ROBO2: variants seen among roughly 807,000 people sequenced by gnomAD.
The protein encoded by ROBO2 is roundabout guidance receptor 2, also known as roundabout homolog 2.
ROBO2 carries 53 observed loss-of-function variants against 160.8 expected under a neutral mutation model. That is an observed-to-expected ratio of 0.33 (90% CI 0.26 to 0.41). ROBO2 has a LOEUF of 0.41. Among genes scored for constraint, ROBO2 ranks in the 10% least tolerant of loss-of-function variants. ROBO2 has a pLI of 1.00. For missense variants in ROBO2, 1,577 were observed against 1,722.4 expected (o/e 0.92, Z 1.49); for synonymous variants, 664 against 611.7 (o/e 1.09, Z -1.26).
intron 2 of ROBO2, among the ~76,000 whole-genome samples, chr3:76,514,540 T>G (rs111686300): frequency 6.6e-6 from 1 of 152,208 alleles, no homozygotes; most frequent in Non-Finnish European, 1.5e-5. Flanking sequence ...ATAATGAAGA[T>G]ATCAGATAAA....
chr3:77,501,625 T>C (rs2087623010), intron 5 of ROBO2, among the ~76,000 whole-genome samples: 1 of 149,536 alleles, frequency 6.7e-6, no homozygotes, highest in East Asian at 2.0e-4. Flanking sequence ...GTTTCGGTGC[T>C]GTCCTCAAAT....
At chr3:76,248,415 C>G (rs36177939) in intron 2 of ROBO2, among the ~76,000 whole-genome samples, 17,966 of 149,778 alleles carry the variant, frequency 0.12, 1,671 homozygotes, top group East Asian at 0.4. Flanking sequence ...ACTGCATATT[C>G]TCACTCATAG....
chr3:77,143,384 T>C (rs998744380), intron 2 of ROBO2, among the ~76,000 whole-genome samples: 3 of 151,702 alleles, frequency 2.0e-5, no homozygotes, highest in Non-Finnish European at 4.4e-5. Flanking sequence ...TTAGTAGACA[T>C]TGGGTTTCAC....
chr3:76,512,064 A>C (rs549115817), intron 2 of ROBO2, among the ~76,000 whole-genome samples: 6 of 152,252 alleles, frequency 3.9e-5, no homozygotes, highest in Non-Finnish European at 8.8e-5. Flanking sequence ...TAACAGAACA[A>C]AACATCATGT....
intron 2 of ROBO2, among the ~76,000 whole-genome samples, chr3:76,041,998 G>T (rs2067288564): frequency 6.8e-6 from 1 of 146,178 alleles, no homozygotes; most frequent in South Asian, 2.2e-4. Context: ...GAGAGAGGGA[G>T]AGCGAGAGCA....
chr3:76,996,116 A>G (rs2060988056), intron 2 of ROBO2, among the ~76,000 whole-genome samples: 1 of 152,098 alleles, frequency 6.6e-6, no homozygotes, highest in Non-Finnish European at 1.5e-5. Flanking sequence ...TCCATCTTGA[A>G]TTAATTTTTG....
At chr3:75,919,535 A>G (rs1946941500) in intron 1 of ROBO2, among the ~76,000 whole-genome samples, 1 of 152,178 alleles carries the variant, frequency 6.6e-6, no homozygotes, top group Admixed American at 6.5e-5. Flanking sequence ...TGGAATCAGA[A>G]TGATGCTGGC....
intron 2 of ROBO2, among the ~76,000 whole-genome samples, chr3:76,227,733 A>G (rs1704375901): frequency 6.6e-6 from 1 of 152,178 alleles, no homozygotes; most frequent in African/African-American, 2.4e-5. Context: ...CCTTAATTTT[A>G]GAGCTTTGTA....
intron 2 of ROBO2, among the ~76,000 whole-genome samples, chr3:76,555,413 A>AGAAGAAGAAGAAGAG (rs1560141382): frequency 4.4e-5 from 3 of 68,824 alleles, no homozygotes; most frequent in African/African-American, 8.9e-5. Flanking sequence ...AAGAAGAAGA[A>AGAAGAAGAAGAAGAG]GAAGAAAGAA....
chr3:77,348,950 G>A lies in ROBO2; in HGVS notation c.389-128464G>A, dbSNP rs114530530. Among the ~76,000 whole-genome samples the A allele has an allele frequency of 6.6e-3, 996 of 151,934 alleles. 11 individuals carry two copies. Among genetic ancestry groups the A allele is most frequent in the African/African-American group, 0.023 (935 of 41,414 alleles). On this transcript the variant is annotated intron_variant, in intron 2 of 25. Coordinates refer to ENST00000461745, the Ensembl canonical transcript of ROBO2. ...TCTCACTTTCTTCACTTCTTCTCCCGAAAAGCTTCTTCTCGGAGAGGCCTT... is the reference window on the plus strand; with the variant it reads ...TCTCACTTTCTTCACTTCTTCTCCCAAAAAGCTTCTTCTCGGAGAGGCCTT...
chr3:76,982,257 A>G (rs2060136012), intron 2 of ROBO2, among the ~76,000 whole-genome samples: 1 of 152,154 alleles, frequency 6.6e-6, no homozygotes, highest in African/African-American at 2.4e-5. Context: ...TTTATATGGT[A>G]TGAGTTAAGG....
intron 2 of ROBO2, among the ~76,000 whole-genome samples, chr3:76,134,082 T>C (rs1399817860): frequency 6.6e-6 from 1 of 152,192 alleles, no homozygotes; most frequent in Non-Finnish European, 1.5e-5. Flanking sequence ...TTTTCCGTTT[T>C]AGTAAAAGTA....
At chr3:77,277,473 C>T (rs1270616447) in intron 2 of ROBO2, among the ~76,000 whole-genome samples, 1 of 151,948 alleles carries the variant, frequency 6.6e-6, no homozygotes, top group East Asian at 1.9e-4. Flanking sequence ...CAACTACAGG[C>T]CCCAGTGTGT....
At chr3:76,687,401 AAT>A (rs1288529620) in intron 2 of ROBO2, among the ~76,000 whole-genome samples, 2 of 152,090 alleles carry the variant, frequency 1.3e-5, no homozygotes, top group African/African-American at 4.8e-5. Context: ...ATATTCAATA[AAT>A]ATATGTCATT....
At chr3:77,537,559 T>C (rs1435075729) in intron 6 of ROBO2, among the ~76,000 whole-genome samples, 2 of 152,142 alleles carry the variant, frequency 1.3e-5, no homozygotes, top group Non-Finnish European at 2.9e-5. Flanking sequence ...GAGCAATATA[T>C]CATTTAGTGC....
intron 2 of ROBO2, among the ~76,000 whole-genome samples, chr3:76,623,972 A>G (rs917125667): frequency 1.3e-5 from 2 of 152,104 alleles, no homozygotes. Flanking sequence ...ATCAGTCAAC[A>G]ACTATCTTTT....
At chr3:77,451,582 G>A (rs2081112322) in intron 2 of ROBO2, among the ~76,000 whole-genome samples, 1 of 151,940 alleles carries the variant, frequency 6.6e-6, no homozygotes, top group Admixed American at 6.6e-5. Flanking sequence ...TATATTAAGT[G>A]AATAAATGAG....
intron 2 of ROBO2, among the ~76,000 whole-genome samples, chr3:77,363,156 G>A (rs1167265845): frequency 1.3e-5 from 2 of 152,220 alleles, no homozygotes; most frequent in East Asian, 1.9e-4. Flanking sequence ...ATTCTGCAAA[G>A]GAAGTCTAAC....
intron 2 of ROBO2, among the ~76,000 whole-genome samples, chr3:77,462,630 C>G (rs1582155967): frequency 6.6e-6 from 1 of 152,156 alleles, no homozygotes. Flanking sequence ...CGTCAATATA[C>G]TTTTTCTTTA....
Sources: allele counts gnomAD v4.1 joint callset (sites outside exome capture counted in the v4.1 genomes callset), GRCh38; gene constraint gnomAD v4.1.1; transcripts MANE v1.5; gene names NCBI Gene and HGNC (gene_info 2026-07-23, HGNC 2026-07-21).